PPP4R1: variants seen among roughly 807,000 people sequenced by gnomAD.
The protein encoded by PPP4R1 is serine/threonine-protein phosphatase 4 regulatory subunit 1.
PPP4R1 carries 42 observed loss-of-function variants against 111.2 expected under a neutral mutation model. The ratio of observed to expected loss-of-function variants is 0.38; its 90% CI spans 0.29 to 0.49. The LOEUF is 0.49. PPP4R1 is among the 20% of genes least tolerant of loss of function. The pLI is 0.97. For synonymous variants in PPP4R1, 409 were observed against 405.5 expected, an observed-to-expected ratio of 1.01 and a Z score of -0.10; for missense variants, 1,012 against 1,161.6, an observed-to-expected ratio of 0.87 and a Z score of 1.87.
intron 14 of PPP4R1, among the ~76,000 whole-genome samples, chr18:9,558,378 A>T (rs750380494): frequency 6.6e-6 from 1 of 152,196 alleles, no homozygotes; most frequent in Non-Finnish European, 1.5e-5. Flanking sequence ...AGTTCTGTAG[A>T]ATAAAGACTG....
intron 2 of PPP4R1, among the ~76,000 whole-genome samples, chr18:9,611,659 T>C (rs1463694497): frequency 1.3e-5 from 2 of 152,278 alleles, no homozygotes; most frequent in Non-Finnish European, 2.9e-5. Context: ...CAAATAACTA[T>C]TGTGCCTTCA....
rs1202181140 is a variant in PPP4R1, at chr18:9,559,366, G to C, written c.2028+53C>G. 14 of 1,484,776 alleles carry C rather than the reference G, an allele frequency of 9.4e-6. No homozygotes were observed. The East Asian group carries it at 3.1e-4, about 32-fold the overall frequency. The allele number at this position is 1,484,776 out of a possible 1,614,324, so 92.0% of individuals were successfully genotyped here. On this transcript the variant is annotated intron_variant, in intron 14 of 19. Transcript: ENST00000400556. Reference sequence around the variant, plus strand: ...AATTCTTTAGGTTACAAAAAGCAAAGCACTGTGCCTTCCACATGCACGTTC... The same window carrying C: ...AATTCTTTAGGTTACAAAAAGCAAACCACTGTGCCTTCCACATGCACGTTC...
In PPP4R1 at chr18:9,553,388, TAA is replaced by T; in HGVS notation, c.2223_2224del (p.Tyr742SerfsTer10). On this transcript the variant is annotated frameshift_variant, in exon 16 of 20. Transcript: ENST00000400556. LOFTEE classifies it high-confidence loss of function. ...TGTCACCAAAAACTCCTGAAGTTGA[TAA>T]AGATATTCTCTTCTTTTGTCAATAT... 1 of 1,598,366 alleles carries T rather than the reference TAA, an allele frequency of 6.3e-7. No individual in the cohort carries two copies. The highest frequency in any genetic ancestry group is 8.6e-7 in the Non-Finnish European group (1 of 1,166,690).
At chr18:9,551,913 A>AG (rs1414366274) in intron 16 of PPP4R1, 3 of 152,408 alleles carry the variant, frequency 2.0e-5, no homozygotes, top group African/African-American at 7.2e-5. Context: ...GCCCACAGCG[A>AG]GAAAAACTGA....
At chr18:9,568,363 T>C (rs907431004) in intron 11 of PPP4R1, among the ~76,000 whole-genome samples, 1 of 152,194 alleles carries the variant, frequency 6.6e-6, no homozygotes, top group Non-Finnish European at 1.5e-5. Context: ...TGTGACTCTA[T>C]TGCAATATTT....
At chr18:9,556,354 A>G (rs1021754096) in intron 15 of PPP4R1, among the ~76,000 whole-genome samples, 2 of 151,472 alleles carry the variant, frequency 1.3e-5, no homozygotes, top group East Asian at 2.0e-4. Context: ...CACCACGCCC[A>G]GCTAATTTTT....
intron 2 of PPP4R1, among the ~76,000 whole-genome samples, chr18:9,595,997 C>A (rs1162846060): frequency 6.6e-6 from 1 of 152,074 alleles, no homozygotes; most frequent in African/African-American, 2.4e-5. Flanking sequence ...AGCCGAGAAG[C>A]CAAACCTGAC....
In PPP4R1 at chr18:9,579,813, T is replaced by C. The variant is rs576709730; in HGVS notation, c.919-2622A>G. The stretch of plus-strand genomic sequence containing the variant: ...TTTACAGTGTACAGGAGGATGTGCA[T>C]AGGTTATATGCAAATACTATGCCAT... On this transcript the variant is annotated intron_variant, in intron 9 of 19. Coordinates refer to ENST00000400556, the MANE Select transcript of PPP4R1 (RefSeq NM_001042388.3). Among the ~76,000 whole-genome samples, 7 of 152,308 alleles carry C rather than the reference T, an allele frequency of 4.6e-5. No homozygotes were observed. In the South Asian group the frequency reaches 1.2e-3, roughly 27 times the overall value.
Position 9,559,511 on chromosome 18 carries a change from C to G in PPP4R1, c.1936G>C (p.Ala646Pro). The G allele has an allele frequency of 6.2e-7, 1 of 1,613,912 alleles. No individual in the cohort carries two copies. The highest frequency in any genetic ancestry group is 8.5e-7 in the Non-Finnish European group (1 of 1,179,878). Residue 646 changes from alanine (A) to proline (P), a missense_variant, in exon 14 of 20, where the codon GCA (alanine) becomes CCA (proline). Ala to Pro is a conservative substitution (Grantham distance 27). Around this residue, in one of 2 missense-constraint regions of PPP4R1, gnomAD observed 305 missense variants for 419.5 expected, o/e 0.73. Coordinates refer to ENST00000400556, the MANE Select transcript of PPP4R1 (RefSeq NM_001042388.3). ...AAGGCCACACCAGGGAGGCTATATG[C>G]ACAGTGCTTAGCAATTTCAGTGTCA... ...TVDTEIAKHC[A>P]YSLPGVALTL...
At chr18:9,577,424 G>C (rs2066954448) in intron 9 of PPP4R1, among the ~76,000 whole-genome samples, 1 of 152,186 alleles carries the variant, frequency 6.6e-6, no homozygotes, top group Non-Finnish European at 1.5e-5. Context: ...CAGCACTCTG[G>C]GAGGCTGAGC....
chr18:9,614,168 C>T lies in PPP4R1; in HGVS notation c.52+58G>A. ...GCCCGGCCCAGGCCTCGCCGCCGCC[C>T]GCCCTCCCCGGCCGCTCCCCGCGGA... On this transcript the variant is annotated intron_variant, in intron 2 of 19. Coordinates refer to ENST00000400556, the MANE Select transcript of PPP4R1 (RefSeq NM_001042388.3). This position sits in a 1 kb window ranked among gnomAD's most constrained non-coding sequence, Gnocchi z 4.1. 7.8e-7 allele frequency: 1 copy of T among 1,287,494 alleles called. No homozygotes were observed. The highest frequency in any genetic ancestry group is 3.9e-5 in the Admixed American group (1 of 25,690). 79.8% of individuals were successfully genotyped at this position (1,287,494 alleles called of 1,614,324 possible).
intron 2 of PPP4R1, among the ~76,000 whole-genome samples, chr18:9,600,956 T>TA (rs1788101951): frequency 6.6e-6 from 1 of 152,174 alleles, no homozygotes; most frequent in South Asian, 2.1e-4. Context: ...GGAGTATTAC[T>TA]AGAAATGGAG....
intron 2 of PPP4R1, among the ~76,000 whole-genome samples, chr18:9,598,444 G>C (rs917731520): frequency 2.0e-5 from 3 of 152,102 alleles, no homozygotes; most frequent in Non-Finnish European, 4.4e-5. Flanking sequence ...ATGTTACATA[G>C]AGAAAAACAA....
intron 2 of PPP4R1, among the ~76,000 whole-genome samples, chr18:9,603,217 C>T (rs1273514535): frequency 9.2e-6 from 1 of 108,308 alleles, no homozygotes; most frequent in Admixed American, 8.7e-5. Context: ...TCTACCATTC[C>T]CATTGACTTA....
intron 4 of PPP4R1, 127 bp downstream of exon 4, chr18:9,593,641 A>G (rs2067246575): frequency 1.2e-6 from 1 of 832,772 alleles, no homozygotes; most frequent in Non-Finnish European, 1.8e-6. Flanking sequence ...GATGGGTTTG[A>G]TAATTACTTA....
intron 13 of PPP4R1, 81 bp downstream of exon 13, chr18:9,561,899 G>A (rs1598900903): frequency 7.9e-6 from 9 of 1,135,694 alleles, no homozygotes; most frequent in Non-Finnish European, 1.1e-5. Flanking sequence ...TCATAAAGAA[G>A]GGGCAAATTA....
intron 2 of PPP4R1, among the ~76,000 whole-genome samples, chr18:9,610,725 C>G (rs910435588): frequency 6.6e-6 from 1 of 152,132 alleles, no homozygotes; most frequent in African/African-American, 2.4e-5. Context: ...TCCCAAAGTG[C>G]TGGGATTACA....
rs184976011 is a variant in PPP4R1 at position 9,548,491 on chromosome 18, C to T, written c.2690-539G>A. Reference sequence around the variant, plus strand: ...CAACAAAACAAATACTATGGGGCATCTGTCTCTTGCCTAATGAAGAGAAAG... The same window carrying T: ...CAACAAAACAAATACTATGGGGCATTTGTCTCTTGCCTAATGAAGAGAAAG... On this transcript the variant is annotated intron_variant, in intron 19 of 19. Transcript: ENST00000400556. Among the ~76,000 whole-genome samples, 3 of 152,214 alleles carry T rather than the reference C, an allele frequency of 2.0e-5. No individual in the cohort carries two copies. In the East Asian group the frequency reaches 5.8e-4, roughly 29 times the overall value.
In PPP4R1 at chr18:9,594,385, T is replaced by C. The variant is rs906593478; in HGVS notation, c.189-511A>G. On this transcript the variant is annotated intron_variant, in intron 3 of 19. Coordinates refer to ENST00000400556, the MANE Select transcript of PPP4R1 (RefSeq NM_001042388.3). ...AGATGAGACTGAATATTTACAACAT[T>C]TTTTTTTAATCTTTATCTAACTGAT... Among the ~76,000 whole-genome samples, 4 of 151,936 alleles carry C rather than the reference T, an allele frequency of 2.6e-5. No individual in the cohort carries two copies. In the East Asian group the frequency reaches 7.7e-4, roughly 29 times the overall value.
Sources: gnomAD v4.1 joint callset for allele counts (sites outside exome capture counted in the v4.1 genomes callset) on GRCh38, gnomAD v4.1.1 for gene constraint, gnomAD v4.1.1 regional missense constraint, Gnocchi (gnomAD v3.1) non-coding constraint, MANE v1.5 for transcripts, NCBI Gene and HGNC (gene_info 2026-07-23, HGNC 2026-07-21) for gene names.